CCSER1: variants seen among roughly 807,000 people sequenced by gnomAD.
The protein encoded by CCSER1 is serine-rich coiled-coil domain-containing protein 1.
CCSER1 carries 41 observed loss-of-function variants against 82.0 expected under a neutral mutation model. The ratio of observed to expected loss-of-function variants is 0.50; its 90% CI spans 0.39 to 0.65. CCSER1 has a LOEUF of 0.65. Ranked by LOEUF, CCSER1 falls within the 30% of genes least tolerant of loss-of-function variation. The pLI is 0.00. For synonymous variants in CCSER1, 414 were observed against 383.9 expected, an observed-to-expected ratio of 1.08 and a Z score of -0.92; for missense variants, 1,119 against 1,064.2, an observed-to-expected ratio of 1.05 and a Z score of -0.72.
At chr4:91,521,627 C>G (rs577615580) in intron 10 of CCSER1, among the ~76,000 whole-genome samples, 2,161 of 152,248 alleles carry the variant, frequency 0.014, 21 homozygotes, top group Middle Eastern at 0.048. Flanking sequence ...TCTCTGATGA[C>G]CAGTGATGAT....
intron 6 of CCSER1, among the ~76,000 whole-genome samples, chr4:90,657,971 T>C (rs1185037173): frequency 6.6e-6 from 1 of 152,142 alleles, no homozygotes; most frequent in South Asian, 2.1e-4. Flanking sequence ...GGCATGGTGG[T>C]GCATACTTGT....
At chr4:90,839,778 T>G (rs1192600159) in intron 8 of CCSER1, among the ~76,000 whole-genome samples, 2 of 152,154 alleles carry the variant, frequency 1.3e-5, no homozygotes. Flanking sequence ...AAAATTCTTC[T>G]CCCATTCTTC....
rs1178151528 is a variant in CCSER1, at chr4:91,357,878, C to A, written c.2218-240694C>A. Reference sequence around the variant, plus strand: ...CTCTTTTTACCTAAATTCTGCCTGCCCCCCCCCCCTTTTTTTTTTTTTTTT... The same window carrying A: ...CTCTTTTTACCTAAATTCTGCCTGCACCCCCCCCCTTTTTTTTTTTTTTTT... On this transcript the variant is annotated intron_variant, in intron 10 of 10. Coordinates refer to ENST00000509176, the MANE Select transcript of CCSER1 (RefSeq NM_001145065.2). Among the ~76,000 whole-genome samples, 3 of 67,982 alleles carry A rather than the reference C, an allele frequency of 4.4e-5. No individual in the cohort carries two copies. In the South Asian group the frequency reaches 2.3e-3, roughly 52 times the overall value. The allele number at this position is 67,982 out of a possible 152,430, so 44.6% of individuals were successfully genotyped here. A position where few individuals can be genotyped will look rare whatever the true frequency, so the allele number is the denominator to read the frequency against.
chr4:91,213,637 CTT>C (rs1458883468), intron 10 of CCSER1, among the ~76,000 whole-genome samples: 1 of 152,092 alleles, frequency 6.6e-6, no homozygotes, highest in Non-Finnish European at 1.5e-5. Flanking sequence ...TAAGGATCAA[CTT>C]TCAACTGCAA....
At chr4:91,140,861 G>T (rs143128014) in intron 10 of CCSER1, among the ~76,000 whole-genome samples, 4 of 151,974 alleles carry the variant, frequency 2.6e-5, no homozygotes, top group Admixed American at 2.0e-4. Context: ...TTTGATGCAG[G>T]CATATATTGC....
At chr4:90,366,125 A>T (rs561281858) in intron 3 of CCSER1, among the ~76,000 whole-genome samples, 137 of 152,012 alleles carry the variant, frequency 9.0e-4, no homozygotes, top group African/African-American at 3.2e-3. Flanking sequence ...TAACAGTAAG[A>T]TTTAAAATAA....
intron 10 of CCSER1, among the ~76,000 whole-genome samples, chr4:91,384,755 C>G (rs1439089690): frequency 6.6e-6 from 1 of 151,852 alleles, no homozygotes; most frequent in Non-Finnish European, 1.5e-5. Context: ...ACAAAGTGCA[C>G]CGTAGGCAAA....
chr4:90,212,192 A>C (rs1740143881), intron 1 of CCSER1, among the ~76,000 whole-genome samples: 1 of 152,170 alleles, frequency 6.6e-6, no homozygotes, highest in African/African-American at 2.4e-5. Context: ...CCACATATTC[A>C]CTGTAAAGAG....
chr4:90,193,514 C>G (rs1400668282), intron 1 of CCSER1, among the ~76,000 whole-genome samples: 1 of 151,360 alleles, frequency 6.6e-6, no homozygotes, highest in African/African-American at 2.4e-5. Context: ...ATAGAAACAA[C>G]TTGGGAAACT....
intron 7 of CCSER1, among the ~76,000 whole-genome samples, chr4:90,774,794 C>G (rs1242227345): frequency 2.0e-5 from 3 of 151,998 alleles, no homozygotes; most frequent in African/African-American, 7.2e-5. Context: ...AGTAATAAAA[C>G]TAATTAAAGT....
At chr4:90,403,475 G>T (rs1163646721) in intron 4 of CCSER1, among the ~76,000 whole-genome samples, 2 of 143,076 alleles carry the variant, frequency 1.4e-5, no homozygotes, top group Admixed American at 7.0e-5. Context: ...CTCCAGCCTG[G>T]GCGACAGAGC....
At chr4:90,365,941 CAGTTTCTTGCA>C (rs1241828768) in intron 3 of CCSER1, among the ~76,000 whole-genome samples, 9 of 151,936 alleles carry the variant, frequency 5.9e-5, no homozygotes, top group Admixed American at 3.9e-4. Context: ...TATAGAATAA[CAGTTTCTTGCA>C]TACTACAGCA....
At chr4:91,183,809 G>C (rs1394868974) in intron 10 of CCSER1, among the ~76,000 whole-genome samples, 2 of 152,108 alleles carry the variant, frequency 1.3e-5, no homozygotes, top group Non-Finnish European at 2.9e-5. Flanking sequence ...GTTGTAACTT[G>C]ACCTCAGCCT....
intron 3 of CCSER1, among the ~76,000 whole-genome samples, chr4:90,329,519 A>G (rs1021714918): frequency 6.6e-6 from 1 of 152,160 alleles, no homozygotes; most frequent in African/African-American, 2.4e-5. Context: ...TTACCATGAC[A>G]GTGTTAGTTC....
At chr4:90,862,050 A>G (rs1765176194) in intron 8 of CCSER1, among the ~76,000 whole-genome samples, 1 of 151,368 alleles carries the variant, frequency 6.6e-6, no homozygotes. Flanking sequence ...ATTAGAGTCC[A>G]TTTTTCACAG....
At chr4:91,184,264 T>C (rs971066668) in intron 10 of CCSER1, among the ~76,000 whole-genome samples, 26 of 152,262 alleles carry the variant, frequency 1.7e-4, no homozygotes, top group Non-Finnish European at 3.1e-4. Flanking sequence ...TAACATGCCC[T>C]GTGGCAACAC....
At chr4:91,433,547 C>G (rs1177731106) in intron 10 of CCSER1, among the ~76,000 whole-genome samples, 1 of 152,082 alleles carries the variant, frequency 6.6e-6, no homozygotes, top group Non-Finnish European at 1.5e-5. Flanking sequence ...TTTTAGTTTC[C>G]TTTTTAAAAT....
At chr4:90,870,567 G>T (rs1461299123) in intron 8 of CCSER1, among the ~76,000 whole-genome samples, 1 of 151,680 alleles carries the variant, frequency 6.6e-6, no homozygotes, top group African/African-American at 2.4e-5. Flanking sequence ...TCTTTTTAAT[G>T]TGTTGTTGTG....
At chr4:90,432,653 C>G (rs1383007877) in intron 4 of CCSER1, among the ~76,000 whole-genome samples, 1 of 150,598 alleles carries the variant, frequency 6.6e-6, no homozygotes, top group Non-Finnish European at 1.5e-5. Context: ...CTGGGTGTTA[C>G]TGTGTTGCCC....
Sources: gnomAD v4.1 joint callset for allele counts (sites outside exome capture counted in the v4.1 genomes callset) on GRCh38, gnomAD v4.1.1 for gene constraint, MANE v1.5 for transcripts, NCBI Gene and HGNC (gene_info 2026-07-23, HGNC 2026-07-21) for gene names.